The following FBXL20 variants were observed in gnomAD, a reference collection of about 807,000 sequenced individuals.
FBXL20 encodes F-box/LRR-repeat protein 20.
A neutral mutation model predicts 64.0 loss-of-function variants in FBXL20; 11 were observed. The observed-to-expected ratio is 0.17, with a 90% CI of 0.11 to 0.28. FBXL20 has a LOEUF of 0.28. FBXL20 is among the 10% of genes least tolerant of loss of function. The pLI, the probability that FBXL20 is intolerant of heterozygous loss-of-function variation, is 1.00. For missense variants in FBXL20, 303 were observed against 526.2 expected (o/e 0.58, Z 4.15); for synonymous variants, 184 against 189.0 (o/e 0.97, Z 0.22).
chr17:39,390,601 C>T (rs1026560452), intron 1 of FBXL20, among the ~76,000 whole-genome samples: 2 of 151,978 alleles, frequency 1.3e-5, no homozygotes, highest in African/African-American at 4.8e-5. Context: ...GTGGCACCCA[C>T]CTGTAGTCCC....
In FBXL20 at chr17:39,401,557, G is replaced by A; in HGVS notation, c.-155C>T. 1.4e-6 allele frequency: 2 copies of A among 1,418,816 alleles called. No individual in the cohort carries two copies. The highest frequency in any genetic ancestry group is 1.8e-6 in the Non-Finnish European group (2 of 1,095,922). The allele number at this position is 1,418,816 out of a possible 1,614,324, so 87.9% of individuals were successfully genotyped here. Reference sequence around the variant, plus strand: ...GGGAACAAGAGACCTCTCGGCTCCGGCTAGGCCTCCACCACCTCCCGCGGC... The same window carrying A: ...GGGAACAAGAGACCTCTCGGCTCCGACTAGGCCTCCACCACCTCCCGCGGC... On this transcript the variant is annotated 5_prime_UTR_variant, in exon 1 of 15. Coordinates refer to ENST00000264658, the MANE Select transcript of FBXL20 (RefSeq NM_032875.3).
rs1393575904 is a variant in FBXL20, at chr17:39,330,296, CAAAAAATAAAAAATAAAAAT to C, written c.104+12864_104+12883del. Among the ~76,000 whole-genome samples, 7 of 149,772 alleles carry C rather than the reference CAAAAAATAAAAAATAAAAAT, an allele frequency of 4.7e-5. No homozygotes were observed. The East Asian group carries it at 1.2e-3, about 25-fold the overall frequency. ...TGGGCAACAGAGCAAGACTCTGTCT[CAAAAAATAAAAAATAAAAAT>C]AAAAAATAAAAAATAGGCCAGGTGC... On this transcript the variant is annotated intron_variant, in intron 2 of 14. Transcript: ENST00000264658.
At chr17:39,339,670 T>G (rs77621553) in intron 2 of FBXL20, among the ~76,000 whole-genome samples, 9 of 148,216 alleles carry the variant, frequency 6.1e-5, no homozygotes, top group African/African-American at 1.3e-4. Context: ...TTTTTTTTTT[T>G]GAGTCTTGCT....
intron 4 of FBXL20, among the ~76,000 whole-genome samples, chr17:39,299,405 A>T (rs2047114822): frequency 1.3e-5 from 2 of 152,210 alleles, no homozygotes; most frequent in African/African-American, 4.8e-5. Flanking sequence ...GAAAGACAGC[A>T]ACTACATTAT....
At position 39,270,817 on chromosome 17, in the gene FBXL20, C is replaced by T. The variant is rs1415334106; in HGVS notation, c.867G>A (p.Val289=). 2.5e-6 allele frequency: 4 copies of T among 1,608,970 alleles called. No individual in the cohort carries two copies. In the African/African-American group the frequency reaches 4.0e-5, roughly 16 times the overall value. Residue 289 remains valine, a synonymous_variant, in exon 11 of 15, where the codon GTG becomes GTA. Coordinates refer to ENST00000264658, the MANE Select transcript of FBXL20 (RefSeq NM_032875.3). ...TTACCCTGGCTAGAGTGGTAAAGCC[C>T]ACATCTGTTAATTGAGAACATCTTG... is the stretch of plus-strand genomic sequence containing the variant. ...EVARCSQLTD[V]GFTTLARNCH...
Position 39,401,431 on chromosome 17 carries a change from C to A in FBXL20, c.-29G>T. 6.3e-7 allele frequency: 1 copy of A among 1,577,052 alleles called. No homozygotes were observed. The highest frequency in any genetic ancestry group is 8.6e-7 in the Non-Finnish European group (1 of 1,163,152). On this transcript the variant is annotated 5_prime_UTR_variant, in exon 1 of 15. Transcript: ENST00000264658. ...GCCGGCGGGTGCGGCCCGGGCCGGG[C>A]GCTGCGGCGAGCGGAGTGCACAGAC...
intron 2 of FBXL20, among the ~76,000 whole-genome samples, chr17:39,312,502 C>A (rs572102777): frequency 1.4e-5 from 2 of 144,620 alleles, no homozygotes; most frequent in East Asian, 4.0e-4. Flanking sequence ...ACTTAAATCC[C>A]TTCTACCACT....
chr17:39,402,199 G>C, upstream of FBXL20: 1 of 1,232,496 alleles, frequency 8.1e-7, no homozygotes, highest in Non-Finnish European at 1.0e-6. Context: ...AAGTGCAGCA[G>C]GCGGTCCCTG....
chr17:39,347,968 A>G (rs2047650432), intron 1 of FBXL20, among the ~76,000 whole-genome samples: 1 of 151,784 alleles, frequency 6.6e-6, no homozygotes. Context: ...CCATTTCTTG[A>G]TTTTGTCAGG....
At chr17:39,294,867 T>G (rs1032342751) in intron 6 of FBXL20, among the ~76,000 whole-genome samples, 1 of 151,974 alleles carries the variant, frequency 6.6e-6, no homozygotes, top group Non-Finnish European at 1.5e-5. Context: ...CAAAAATTAG[T>G]TGGACATGGT....
intron 1 of FBXL20, among the ~76,000 whole-genome samples, chr17:39,393,356 T>C (rs535261109): frequency 1.6e-4 from 24 of 152,202 alleles, no homozygotes; most frequent in Admixed American, 9.2e-4. Context: ...TTCCCCAGTT[T>C]TCACTTTGAA....
At chr17:39,365,784 G>T (rs2047853870) in intron 1 of FBXL20, among the ~76,000 whole-genome samples, 1 of 152,106 alleles carries the variant, frequency 6.6e-6, no homozygotes, top group South Asian at 2.1e-4. Context: ...ATGTTGAACT[G>T]GTGCTGCTTA....
In FBXL20 at chr17:39,359,326, A is replaced by C. The variant is rs376251468; in HGVS notation, c.43-16085T>G. ...ACTCCAGCCTGAGCGTGGGTGACAC[A>C]GCAAGATCCTGTCTCAAAAACAAAC... is the stretch of plus-strand genomic sequence containing the variant. On this transcript the variant is annotated intron_variant, in intron 1 of 14. Transcript: ENST00000264658. Among the ~76,000 whole-genome samples, 58 of 152,242 alleles carry C rather than the reference A, an allele frequency of 3.8e-4. 1 individual carries two copies. In the South Asian group the frequency reaches 0.012, roughly 31 times the overall value.
intron 14 of FBXL20, among the ~76,000 whole-genome samples, chr17:39,263,060 A>AT (rs2046761698): frequency 6.6e-6 from 1 of 151,822 alleles, no homozygotes; most frequent in Admixed American, 6.6e-5. Context: ...GGGTCTCTCT[A>AT]TTATGGTGGA....
intron 2 of FBXL20, among the ~76,000 whole-genome samples, chr17:39,338,441 T>C (rs1167467766): frequency 6.6e-6 from 1 of 152,132 alleles, no homozygotes. Flanking sequence ...CCAGAGACCT[T>C]TGTTCACTTG....
chr17:39,322,803 ATTTTATTT>A (rs1225580757), intron 2 of FBXL20, among the ~76,000 whole-genome samples: 1 of 152,024 alleles, frequency 6.6e-6, no homozygotes, highest in Non-Finnish European at 1.5e-5. Context: ...TTATTTATTT[ATTTTATTT>A]TTTTATTTTT....
chr17:39,263,863 T>C (rs2046768781), intron 14 of FBXL20: 1 of 224,698 alleles, frequency 4.5e-6, no homozygotes. Flanking sequence ...AGAACAAAAA[T>C]GTGGCATGTG....
chr17:39,324,008 A>AC (rs138382317), intron 2 of FBXL20, among the ~76,000 whole-genome samples: 39,205 of 129,016 alleles, frequency 0.3, 6,856 homozygotes, highest in African/African-American at 0.5. Flanking sequence ...TCGTGATCCA[A>AC]CCCCCTCCCC....
intron 1 of FBXL20, among the ~76,000 whole-genome samples, chr17:39,393,221 A>G (rs2048151506): frequency 6.6e-6 from 1 of 151,984 alleles, no homozygotes; most frequent in African/African-American, 2.4e-5. Context: ...CCCAGGAGGC[A>G]GAGGTTGCAG....
Sources: gnomAD v4.1 joint callset for allele counts (sites outside exome capture counted in the v4.1 genomes callset) on GRCh38, gnomAD v4.1.1 for gene constraint, MANE v1.5 for transcripts, NCBI Gene and HGNC (gene_info 2026-07-23, HGNC 2026-07-21) for gene names.